The following TASP1 variants were observed in gnomAD, a reference collection of about 807,000 sequenced individuals.
TASP1 encodes the protein threonine aspartase 1.
In TASP1, 16 loss-of-function variants were observed where a neutral mutation model predicts 56.6. The ratio of observed to expected loss-of-function variants is 0.28; its 90% confidence interval spans 0.19 to 0.43. The LOEUF is 0.43. Among genes scored for constraint, TASP1 ranks in the 20% least tolerant of loss-of-function variants. The pLI is 1.00. For synonymous variants in TASP1, 179 were observed against 184.2 expected (o/e 0.97, Z 0.23); for missense variants, 393 against 511.6 (o/e 0.77, Z 2.24).
chr20:13,227,256 T>C, the TASP1 span, among the ~76,000 whole-genome samples: 1 of 152,208 alleles, frequency 6.6e-6, no homozygotes, highest in African/African-American at 2.4e-5. Context: ...CAGGCTGGAG[T>C]GCAGTGGCGC....
At chr20:13,600,690 T>C (rs564202895) in intron 4 of TASP1, 8 of 152,160 alleles carry the variant, frequency 5.3e-5, no homozygotes, top group African/African-American at 1.7e-4. Context: ...GAAAAACATA[T>C]ATTATACAAG....
At chr20:13,381,241 C>A in the TASP1 span, among the ~76,000 whole-genome samples, 1 of 152,188 alleles carries the variant, frequency 6.6e-6, no homozygotes, top group African/African-American at 2.4e-5. Context: ...CTGTGGGTTG[C>A]GAAGACTGTG....
chr20:13,614,508 C>A (rs1295444549), intron 4 of TASP1, among the ~76,000 whole-genome samples: 2 of 152,130 alleles, frequency 1.3e-5, no homozygotes, highest in Non-Finnish European at 2.9e-5. Flanking sequence ...GGAAACTTTA[C>A]TTTTTCTTGC....
the TASP1 span, among the ~76,000 whole-genome samples, chr20:13,265,223 C>T: frequency 1.3e-5 from 2 of 152,196 alleles, no homozygotes; most frequent in Non-Finnish European, 2.9e-5. Flanking sequence ...TCCCCAGCTC[C>T]CTGTTCTCTT....
At chr20:13,214,552 CACACACACACAGAG>C in the TASP1 span, among the ~76,000 whole-genome samples, 12 of 103,130 alleles carry the variant, frequency 1.2e-4, no homozygotes, top group Non-Finnish European at 1.7e-4. Flanking sequence ...CACACACACA[CACACACACACAGAG>C]AGAGAGAGAG....
the TASP1 span, among the ~76,000 whole-genome samples, chr20:13,225,640 T>G: frequency 6.6e-6 from 1 of 152,160 alleles, no homozygotes; most frequent in African/African-American, 2.4e-5. Context: ...CCATATTGGG[T>G]AACTGGCTGA....
At chr20:13,621,841 T>C (rs548743735) in intron 4 of TASP1, among the ~76,000 whole-genome samples, 25 of 152,212 alleles carry the variant, frequency 1.6e-4, no homozygotes, top group Non-Finnish European at 3.2e-4. Context: ...GCCATTCTAG[T>C]ATATTCTCCA....
chr20:13,297,871 G>A, the TASP1 span, among the ~76,000 whole-genome samples: 1 of 152,162 alleles, frequency 6.6e-6, no homozygotes, highest in East Asian at 1.9e-4. Flanking sequence ...TCACTGGCCT[G>A]TGACCCAAAT....
chr20:13,183,358 G>A, the TASP1 span, among the ~76,000 whole-genome samples: 1 of 152,208 alleles, frequency 6.6e-6, no homozygotes, highest in African/African-American at 2.4e-5. Flanking sequence ...TTACAGAATT[G>A]TAAGAAGGAT....
the TASP1 span, among the ~76,000 whole-genome samples, chr20:13,161,728 A>G: frequency 2.0e-5 from 3 of 152,228 alleles, no homozygotes; most frequent in African/African-American, 7.2e-5. Context: ...TGTTCCATAG[A>G]GTAGGCATTT....
At chr20:13,404,229 T>A (rs1030773584) in intron 13 of TASP1, among the ~76,000 whole-genome samples, 1 of 152,226 alleles carries the variant, frequency 6.6e-6, no homozygotes, top group African/African-American at 2.4e-5. Flanking sequence ...CATAACTTTG[T>A]GAACAAAGTT....
intron 6 of TASP1, among the ~76,000 whole-genome samples, chr20:13,577,199 A>G (rs911397094): frequency 6.6e-6 from 1 of 152,144 alleles, no homozygotes; most frequent in Non-Finnish European, 1.5e-5. Context: ...AAGATTTTTT[A>G]AATGTTATAT....
chr20:13,435,741 T>C (rs1330601812), intron 11 of TASP1, among the ~76,000 whole-genome samples: 3 of 152,188 alleles, frequency 2.0e-5, no homozygotes, highest in Admixed American at 6.5e-5. Flanking sequence ...TTCAAGAACA[T>C]TATATTTTAA....
the TASP1 span, among the ~76,000 whole-genome samples, chr20:13,230,733 G>A: frequency 3.7e-3 from 560 of 150,556 alleles, 5 homozygotes; most frequent in Middle Eastern, 0.017. Context: ...AAACAGCAAG[G>A]GAATGTGTTG....
chr20:13,442,565 C>G (rs897712750), intron 11 of TASP1, among the ~76,000 whole-genome samples: 3 of 151,916 alleles, frequency 2.0e-5, no homozygotes, highest in African/African-American at 7.3e-5. Flanking sequence ...TTGCTTGAAC[C>G]CCGGAGGTGG....
chr20:13,357,385 A>T, the TASP1 span, among the ~76,000 whole-genome samples: 2 of 152,198 alleles, frequency 1.3e-5, no homozygotes, highest in Non-Finnish European at 2.9e-5. Context: ...AGGATCAGAT[A>T]ACTATTTTGT....
chr20:13,382,735 TCA>T, the TASP1 span, among the ~76,000 whole-genome samples: 6 of 152,224 alleles, frequency 3.9e-5, no homozygotes, highest in African/African-American at 1.4e-4. Flanking sequence ...GAGATATAAT[TCA>T]CATTTTTTTC....
At chr20:13,574,759 A>C (rs1300466188) in intron 6 of TASP1, among the ~76,000 whole-genome samples, 1 of 152,176 alleles carries the variant, frequency 6.6e-6, no homozygotes, top group Non-Finnish European at 1.5e-5. Context: ...ATAATTAGTA[A>C]ACTTGAAGAT....
intron 3 of TASP1, 42 bp downstream of exon 3, chr20:13,625,143 T>C: frequency 7.1e-7 from 1 of 1,417,200 alleles, no homozygotes; most frequent in Non-Finnish European, 9.5e-7. Flanking sequence ...CTGCTTTCTG[T>C]TCAAAACTGC....
Sources: allele counts gnomAD v4.1 joint callset (sites outside exome capture counted in the v4.1 genomes callset), GRCh38; gene constraint gnomAD v4.1.1; transcripts MANE v1.5; gene names NCBI Gene and HGNC (gene_info 2026-07-23, HGNC 2026-07-21).